Variants in ST6GAL1 observed in about 807,000 individuals in gnomAD.
ST6GAL1 encodes the protein ST6 beta-galactoside alpha-2,6-sialyltransferase 1.
ST6GAL1 carries 20 observed loss-of-function variants against 38.0 expected under a neutral mutation model. The ratio of observed to expected loss-of-function variants is 0.53; its 90% CI spans 0.37 to 0.77. The LOEUF (loss-of-function observed/expected upper bound fraction) is 0.77. Ranked by LOEUF, ST6GAL1 falls within the 30% of genes least tolerant of loss-of-function variation. The pLI, the probability that ST6GAL1 is intolerant of heterozygous loss-of-function variation, is 0.00. For synonymous variants in ST6GAL1, 196 were observed against 188.2 expected, an observed-to-expected ratio of 1.04 and a Z score of -0.34; for missense variants, 432 against 496.4, an observed-to-expected ratio of 0.87 and a Z score of 1.23.
intron 2 of ST6GAL1, among the ~76,000 whole-genome samples, chr3:186,997,920 C>T (rs569553663): frequency 6.6e-6 from 1 of 152,142 alleles, no homozygotes; most frequent in South Asian, 2.1e-4. Context: ...GGGCTGCATA[C>T]GTAGTTTTCA....
chr3:186,992,381 T>C (rs899040304), intron 2 of ST6GAL1, among the ~76,000 whole-genome samples: 2 of 152,208 alleles, frequency 1.3e-5, no homozygotes, highest in African/African-American at 4.8e-5. Context: ...CCAAGCCATG[T>C]GGAACTGCAA....
chr3:186,960,489 GGT>G (rs1382083255), intron 1 of ST6GAL1, among the ~76,000 whole-genome samples: 2 of 152,146 alleles, frequency 1.3e-5, no homozygotes, highest in African/African-American at 4.8e-5. Flanking sequence ...ATAGGAGGGA[GGT>G]CAGAGAGCAG....
At position 186,998,768 on chromosome 3, in the gene ST6GAL1, A is replaced by C. The variant is rs543418778; in HGVS notation, c.-183+34842A>C. Among the ~76,000 whole-genome samples, 5 of 152,360 alleles carry C rather than the reference A, an allele frequency of 3.3e-5. No homozygotes were observed. The East Asian group carries it at 9.6e-4, about 29-fold the overall frequency. Reference sequence around the variant, plus strand: ...ATTCCTTTTTCCATAAGAAATCTTCAGTGTGTATTTTTACACTTACAGCAC... The same window carrying C: ...ATTCCTTTTTCCATAAGAAATCTTCCGTGTGTATTTTTACACTTACAGCAC... On this transcript the variant is annotated intron_variant, in intron 2 of 7. Transcript: ENST00000169298.
intron 5 of ST6GAL1, 129 bp from the exon 6 acceptor site, chr3:187,072,720 C>T: frequency 1.2e-6 from 1 of 800,480 alleles, no homozygotes. Context: ...TTAAGTGCTG[C>T]ACCAGAACTT....
At chr3:187,057,703 G>T (rs1718754889) in intron 5 of ST6GAL1, among the ~76,000 whole-genome samples, 1 of 152,184 alleles carries the variant, frequency 6.6e-6, no homozygotes, top group South Asian at 2.1e-4. Context: ...TGAGGTGTCA[G>T]TCGGCCCCTA....
At chr3:187,037,642 G>A (rs1013905939) in intron 2 of ST6GAL1, among the ~76,000 whole-genome samples, 1 of 152,162 alleles carries the variant, frequency 6.6e-6, no homozygotes, top group African/African-American at 2.4e-5. Context: ...GTGCAGTGGC[G>A]CTCATAGCTC....
At chr3:187,023,869 A>G (rs1412373520) in intron 2 of ST6GAL1, among the ~76,000 whole-genome samples, 6 of 151,434 alleles carry the variant, frequency 4.0e-5, no homozygotes, top group Non-Finnish European at 8.8e-5. Context: ...ATGTACCCTA[A>G]AACTTAAAGT....
chr3:187,035,251 G>T (rs1413921328), intron 2 of ST6GAL1, among the ~76,000 whole-genome samples: 1 of 152,146 alleles, frequency 6.6e-6, no homozygotes, highest in Non-Finnish European at 1.5e-5. Flanking sequence ...AGAAGTCATG[G>T]ATGACACAAA....
intron 2 of ST6GAL1, chr3:187,021,943 C>G (rs1434336958): frequency 2.6e-5 from 4 of 152,130 alleles, no homozygotes; most frequent in Admixed American, 1.3e-4. Context: ...TCTCCCATAC[C>G]TTGCTCTACA....
rs1483350433 is a variant in ST6GAL1 at position 187,042,717 on chromosome 3, A to G, written c.14A>G (p.Asn5Ser). 1.2e-6 allele frequency: 2 copies of G among 1,611,036 alleles called. No individual in the cohort carries two copies. The highest frequency in any genetic ancestry group is 1.7e-6 in the Non-Finnish European group (2 of 1,178,528). ...CACATCTTCATTATGATTCACACCAACCTGAAGAAAAAGTTCAGCTGCTGC... is the reference window on the plus strand; with the variant it reads ...CACATCTTCATTATGATTCACACCAGCCTGAAGAAAAAGTTCAGCTGCTGC... MIHTNLKKKFSCCVL... is the reference protein window; with the variant it reads MIHTSLKKKFSCCVL... Residue 5 changes from asparagine (N) to serine (S), a missense_variant, in exon 4 of 8, where the codon AAC becomes AGC. Asn to Ser is a conservative substitution (Grantham distance 46). Transcript: ENST00000169298.
rs1485746844 is a variant in ST6GAL1 at position 187,075,441 on chromosome 3, T to C, written c.980-121T>C. On this transcript the variant is annotated intron_variant, in intron 7 of 7. Transcript: ENST00000169298. The surrounding 1 kb of genome is among the most constrained non-coding windows in gnomAD (Gnocchi z 4.1). Reference sequence around the variant, plus strand: ...TTAGATTGGGAATCACAGTCATAAATAGAAACTCCAGAGGGAAAGCTCTCC... The same window carrying C: ...TTAGATTGGGAATCACAGTCATAAACAGAAACTCCAGAGGGAAAGCTCTCC... 5 of 1,440,488 alleles carry C rather than the reference T, an allele frequency of 3.5e-6. No individual in the cohort carries two copies. In the East Asian group the frequency reaches 9.2e-5, roughly 26 times the overall value. The allele number at this position is 1,440,488 out of a possible 1,614,324, so 89.2% of individuals were successfully genotyped here.
intron 2 of ST6GAL1, chr3:187,006,002 G>A (rs765900333): frequency 2.9e-4 from 44 of 152,358 alleles, no homozygotes; most frequent in Admixed American, 1.0e-3. Flanking sequence ...CAAGTGGGGT[G>A]AGCCAACCTG....
chr3:187,056,686 G>A (rs1718713433), intron 5 of ST6GAL1, among the ~76,000 whole-genome samples: 1 of 152,110 alleles, frequency 6.6e-6, no homozygotes, highest in Non-Finnish European at 1.5e-5. Flanking sequence ...TAGTCTGATG[G>A]GCTTCCCTTT....
chr3:186,954,218 A>G (rs1197001856), intron 1 of ST6GAL1, among the ~76,000 whole-genome samples: 1 of 152,094 alleles, frequency 6.6e-6, no homozygotes, highest in South Asian at 2.1e-4. Flanking sequence ...CATTTTCTTT[A>G]TCCAGTGTAT....
At chr3:186,980,857 C>T (rs1715675666) in intron 2 of ST6GAL1, among the ~76,000 whole-genome samples, 1 of 151,936 alleles carries the variant, frequency 6.6e-6, no homozygotes, top group Admixed American at 6.6e-5. Context: ...AAACTATCTG[C>T]AAGTGGGATG....
intron 1 of ST6GAL1, among the ~76,000 whole-genome samples, chr3:186,946,095 C>G (rs1425942287): frequency 6.6e-6 from 1 of 151,584 alleles, no homozygotes; most frequent in African/African-American, 2.4e-5. Context: ...CACCTGAGGT[C>G]AGGAGTTCGA....
chr3:186,931,313 C>G (rs1366053363), intron 1 of ST6GAL1: 1 of 152,310 alleles, frequency 6.6e-6, no homozygotes, highest in African/African-American at 2.4e-5. Context: ...CCTGCGGTGC[C>G]GGGCCATTGT....
At chr3:187,069,867 G>C (rs1719302085) in intron 5 of ST6GAL1, among the ~76,000 whole-genome samples, 1 of 152,094 alleles carries the variant, frequency 6.6e-6, no homozygotes, top group African/African-American at 2.4e-5. Flanking sequence ...CCCCACACTA[G>C]CTTAACAAAA....
At chr3:186,949,133 G>A (rs1268479355) in intron 1 of ST6GAL1, among the ~76,000 whole-genome samples, 2 of 152,248 alleles carry the variant, frequency 1.3e-5, no homozygotes, top group South Asian at 2.1e-4. Flanking sequence ...AAGCAGGCGG[G>A]TGAAAGAGGG....
Sources: allele counts gnomAD v4.1 joint callset (sites outside exome capture counted in the v4.1 genomes callset), GRCh38; gene constraint gnomAD v4.1.1; non-coding constraint Gnocchi (gnomAD v3.1); transcripts MANE v1.5; gene names NCBI Gene and HGNC (gene_info 2026-07-23, HGNC 2026-07-21).